The following ADGB variants were observed in gnomAD, a reference collection of about 807,000 sequenced individuals.
The protein encoded by ADGB is androglobin.
In ADGB, 172 loss-of-function variants were observed where a neutral mutation model predicts 210.5. The ratio of observed to expected loss-of-function variants is 0.82; its 90% CI spans 0.72 to 0.93. ADGB has a LOEUF of 0.93. Among genes scored for constraint, ADGB ranks in the 40% least tolerant of loss-of-function variants. The probability of loss-of-function intolerance (pLI) is 0.00; values close to 1 mark genes in which losing one functional copy is unlikely to be tolerated. For missense variants in ADGB, 2,025 were observed against 1,964.8 expected, an observed-to-expected ratio of 1.03 and a Z score of -0.58; for synonymous variants, 658 against 662.7, an observed-to-expected ratio of 0.99 and a Z score of 0.11.
intron 26 of ADGB, 113 bp from the exon 27 acceptor site, chr6:146,752,417 G>T (rs1777336312): frequency 2.2e-6 from 2 of 926,614 alleles, no homozygotes; most frequent in African/African-American, 1.7e-5. Context: ...AACAGTGAGG[G>T]TCACAGTTTG....
At chr6:146,618,647 G>A (rs1051047010) in intron 1 of ADGB, among the ~76,000 whole-genome samples, 1 of 150,970 alleles carries the variant, frequency 6.6e-6, no homozygotes, top group Non-Finnish European at 1.5e-5. Flanking sequence ...TAATCACCAT[G>A]AATTTTTACA....
chr6:146,691,001 T>C, intron 10 of ADGB, 115 bp from the exon 11 acceptor site: 1 of 700,360 alleles, frequency 1.4e-6, no homozygotes, highest in South Asian at 4.5e-5. Flanking sequence ...AGATATTGGG[T>C]GATTTTTTTT....
At chr6:146,756,450 A>G (rs1240532514) in intron 27 of ADGB, among the ~76,000 whole-genome samples, 1 of 151,444 alleles carries the variant, frequency 6.6e-6, no homozygotes, top group Non-Finnish European at 1.5e-5. Context: ...CAAGATTTTA[A>G]CACTGCTTAT....
At chr6:146,648,820 A>G (rs1449702714) in intron 3 of ADGB, among the ~76,000 whole-genome samples, 1 of 151,724 alleles carries the variant, frequency 6.6e-6, no homozygotes, top group Non-Finnish European at 1.5e-5. Context: ...TTATAGAATT[A>G]TATATTAACT....
intron 16 of ADGB, among the ~76,000 whole-genome samples, chr6:146,718,453 C>T (rs887612658): frequency 3.9e-5 from 6 of 152,078 alleles, no homozygotes; most frequent in African/African-American, 1.4e-4. Flanking sequence ...TTCCCTGTGC[C>T]CATTCTTCCC....
chr6:146,625,695 C>G (rs1443588429), intron 1 of ADGB, among the ~76,000 whole-genome samples: 1 of 152,110 alleles, frequency 6.6e-6, no homozygotes, highest in Non-Finnish European at 1.5e-5. Flanking sequence ...TGCCTTCTGC[C>G]ATGAGTTAAA....
At chr6:146,758,884 A>G (rs1269506685) in intron 27 of ADGB, among the ~76,000 whole-genome samples, 3 of 151,968 alleles carry the variant, frequency 2.0e-5, no homozygotes, top group Non-Finnish European at 2.9e-5. Flanking sequence ...AGATTAAAAG[A>G]TTTCTCCATA....
At chr6:146,814,511 A>T (rs1281649717) in intron 35 of ADGB, among the ~76,000 whole-genome samples, 1 of 152,210 alleles carries the variant, frequency 6.6e-6, no homozygotes, top group Non-Finnish European at 1.5e-5. Context: ...ATTTATAGCT[A>T]CATATAAGGC....
At chr6:146,664,001 C>T (rs114770513) in intron 5 of ADGB, among the ~76,000 whole-genome samples, 200 bp from the exon 6 acceptor site, 2,199 of 152,090 alleles carry the variant, frequency 0.014, 58 homozygotes, top group African/African-American at 0.051. Flanking sequence ...CATGGGTGAG[C>T]TGTGATTATG....
chr6:146,735,965 A>G (rs2114591267), intron 22 of ADGB, among the ~76,000 whole-genome samples: 1 of 152,346 alleles, frequency 6.6e-6, no homozygotes, highest in East Asian at 1.9e-4. Flanking sequence ...AGATGCTGGT[A>G]AATACTATGA....
intron 12 of ADGB, among the ~76,000 whole-genome samples, chr6:146,700,173 CA>C (rs1283158229): frequency 6.6e-6 from 1 of 152,194 alleles, no homozygotes; most frequent in African/African-American, 2.4e-5. Context: ...TGACTGCTAT[CA>C]CAACTTTCTG....
intron 22 of ADGB, among the ~76,000 whole-genome samples, chr6:146,735,232 T>C (rs947079089): frequency 6.6e-6 from 1 of 152,232 alleles, no homozygotes; most frequent in African/African-American, 2.4e-5. Flanking sequence ...TTGCTTCATT[T>C]TGTGCTGCTA....
intron 12 of ADGB, among the ~76,000 whole-genome samples, chr6:146,694,894 T>A (rs529763833): frequency 1.3e-5 from 2 of 152,200 alleles, no homozygotes; most frequent in South Asian, 4.1e-4. Context: ...CAGTCCTAAC[T>A]GATACTGCAA....
intron 1 of ADGB, among the ~76,000 whole-genome samples, chr6:146,605,119 A>T (rs919911964): frequency 6.6e-6 from 1 of 152,202 alleles, no homozygotes. Context: ...GTAGTGGGGA[A>T]ATACAAATGG....
At position 146,647,102 on chromosome 6, in the gene ADGB, A is replaced by C. The variant is rs200546694; in HGVS notation, c.330+2237A>C. Among the ~76,000 whole-genome samples, 12 of 137,720 alleles carry C rather than the reference A, an allele frequency of 8.7e-5. 1 individual carries two copies. Among genetic ancestry groups the C allele is most frequent in the East Asian group, 2.5e-4 (1 of 3,932 alleles). The allele number at this position is 137,720 out of a possible 152,430, so 90.3% of individuals were successfully genotyped here. ...AGAGCCTGTCTCAAAAAAAAACAAAAAACAAAAAACAAAAAACAAACAAAC... is the reference window on the plus strand; with the variant it reads ...AGAGCCTGTCTCAAAAAAAAACAAACAACAAAAAACAAAAAACAAACAAAC... On this transcript the variant is annotated intron_variant, in intron 3 of 35. Transcript: ENST00000397944.
At chr6:146,814,975 G>A in intron 35 of ADGB, 57 bp from the exon 36 acceptor site, 2 of 1,461,922 alleles carry the variant, frequency 1.4e-6, no homozygotes, top group Non-Finnish European at 1.8e-6. Context: ...TTTTCTTTCT[G>A]GGAACATAAG....
chr6:146,713,565 G>A (rs1190035589), intron 13 of ADGB, among the ~76,000 whole-genome samples: 1 of 151,982 alleles, frequency 6.6e-6, no homozygotes, highest in African/African-American at 2.4e-5. Context: ...CAAATTATTT[G>A]CCCATTTTTT....
intron 35 of ADGB, among the ~76,000 whole-genome samples, chr6:146,811,220 C>CCT (rs1360411025): frequency 6.6e-6 from 1 of 152,016 alleles, no homozygotes; most frequent in Non-Finnish European, 1.5e-5. Flanking sequence ...TATGCTCACA[C>CCT]CAATATTTTA....
chr6:146,769,189 A>ACT, intron 29 of ADGB, 58 bp downstream of exon 29: 2 of 789,316 alleles, frequency 2.5e-6, no homozygotes, highest in Non-Finnish European at 4.0e-6. Flanking sequence ...TGATATTTAA[A>ACT]TATTTAATAA....
Sources: gnomAD v4.1 joint callset for allele counts (sites outside exome capture counted in the v4.1 genomes callset) on GRCh38, gnomAD v4.1.1 for gene constraint, MANE v1.5 for transcripts, NCBI Gene and HGNC (gene_info 2026-07-23, HGNC 2026-07-21) for gene names.